The following BPIFB3 variants were observed in gnomAD, a reference collection of about 807,000 sequenced individuals.
The protein encoded by BPIFB3 is BPI fold containing family B member 3, also known as BPI fold-containing family B member 3.
A neutral mutation model predicts 53.1 loss-of-function variants in BPIFB3; 49 were observed. That is an observed-to-expected ratio of 0.92 (90% CI 0.73 to 1.17). The LOEUF (loss-of-function observed/expected upper bound fraction) is 1.17, where lower values mean the gene tolerates loss of function less well. Ranked by LOEUF, BPIFB3 falls within the 50% of genes most tolerant of loss-of-function variation. The pLI, the probability that BPIFB3 is intolerant of heterozygous loss-of-function variation, is 0.00. For synonymous variants in BPIFB3, 271 were observed against 269.6 expected, an observed-to-expected ratio of 1.01 and a Z score of -0.05; for missense variants, 628 against 592.5, an observed-to-expected ratio of 1.06 and a Z score of -0.62.
At chr20:33,070,742 C>G (rs188565757) in intron 11 of BPIFB3, among the ~76,000 whole-genome samples, 37 of 152,236 alleles carry the variant, frequency 2.4e-4, no homozygotes, top group Non-Finnish European at 4.3e-4. Flanking sequence ...CATTGTTGCC[C>G]CATTGCCGAC....
chr20:33,072,035 C>A (rs906484481), intron 12 of BPIFB3, 69 bp from the exon 14 acceptor site: 9 of 1,526,250 alleles, frequency 5.9e-6, no homozygotes, highest in Non-Finnish European at 8.2e-6. Context: ...TCCCTGGGAA[C>A]GGGATGCTGC....
rs184086488 is a variant in BPIFB3 at position 33,068,761 on chromosome 20, G to A, written c.979-42G>A. The A allele has an allele frequency of 3.5e-5, 56 of 1,588,086 alleles. No homozygotes were observed. The African/African-American group carries it at 5.8e-4, about 16-fold the overall frequency. On this transcript the variant is annotated intron_variant, in intron 9 of 14. Coordinates refer to ENST00000375494, the Ensembl canonical transcript of BPIFB3. ...GTGTTTGCTGACTGACTGACTGATT[G>A]TAGTCCTGGGGCATCTAAGTTATGC...
In BPIFB3 at chr20:33,063,611, A is replaced by G. The variant is rs781158034; in HGVS notation, c.592-4A>G. 1.4e-5 allele frequency: 22 copies of G among 1,613,974 alleles called. No homozygotes were observed. Among genetic ancestry groups the G allele is most frequent in the Admixed American group, 5.0e-5 (3 of 59,976 alleles). On this transcript the variant is annotated splice_polypyrimidine_tract_variant and splice_region_variant and intron_variant, in intron 5 of 14. Coordinates refer to ENST00000375494, the Ensembl canonical transcript of BPIFB3. Reference sequence around the variant, plus strand: ...GCCCTGTAACATGTGTCTCCCTGACACAGCTGTGCCCCGTGGTGGACAGTG... The same window carrying G: ...GCCCTGTAACATGTGTCTCCCTGACGCAGCTGTGCCCCGTGGTGGACAGTG...
chr20:33,068,760 T>C, intron 9 of BPIFB3, 43 bp from the exon 11 acceptor site: 1 of 1,586,678 alleles, frequency 6.3e-7, no homozygotes, highest in Non-Finnish European at 8.6e-7. Context: ...ACTGACTGAT[T>C]GTAGTCCTGG....
At chr20:33,067,301 A>G (rs556263135) in intron 9 of BPIFB3, among the ~76,000 whole-genome samples, 1 of 152,280 alleles carries the variant, frequency 6.6e-6, no homozygotes, top group Admixed American at 6.5e-5. Context: ...TAAGTACATG[A>G]CTTCCAGGCC....
At chr20:33,058,207 G>A (rs887581826) in intron 2 of BPIFB3, among the ~76,000 whole-genome samples, 1 of 152,228 alleles carries the variant, frequency 6.6e-6, no homozygotes, top group South Asian at 2.1e-4. Context: ...AGAGTCACTG[G>A]ACAGGAGGCA....
intron 2 of BPIFB3, among the ~76,000 whole-genome samples, chr20:33,058,464 T>C (rs1980308884): frequency 6.6e-6 from 1 of 152,198 alleles, no homozygotes; most frequent in Non-Finnish European, 1.5e-5. Context: ...TGCCTTTTAC[T>C]GGCTGCAGTA....
chr20:33,067,812 C>A (rs377186535), intron 9 of BPIFB3, among the ~76,000 whole-genome samples: 6 of 152,146 alleles, frequency 3.9e-5, no homozygotes, highest in African/African-American at 1.4e-4. Context: ...GCTGGCCTCG[C>A]AGCTTTAGAG....
chr20:33,064,430 C>A, intron 6 of BPIFB3, 27 bp from the exon 8 acceptor site: 1 of 1,578,074 alleles, frequency 6.3e-7, no homozygotes, highest in Non-Finnish European at 8.7e-7. Context: ...CTTATAGGGT[C>A]GTTCTCGCCC....
chr20:33,066,974 T>C, intron 9 of BPIFB3, 97 bp downstream of exon 10: 5 of 1,275,342 alleles, frequency 3.9e-6, no homozygotes, highest in East Asian at 2.3e-5. Context: ...TCCAGGCAAC[T>C]GCAATTGAAC....
At position 33,061,601 on chromosome 20, in the gene BPIFB3, C is replaced by T. The variant is rs147965482; in HGVS notation, c.528-167C>T. ...AATGAAGCCATCCCCTGGGTCCCCT[C>T]GGGAGGAGGAGCCAGGATTTAACTC... On this transcript the variant is annotated intron_variant, in intron 4 of 14. Coordinates refer to ENST00000375494, the Ensembl canonical transcript of BPIFB3. 3.3e-3 allele frequency among the ~76,000 whole-genome samples: 504 copies of T among 151,820 alleles called. 3 individuals are homozygous for T. The highest frequency in any genetic ancestry group is 5.1e-3 in the Non-Finnish European group (344 of 67,900).
chr20:33,062,962 C>T (rs990911296), intron 5 of BPIFB3, among the ~76,000 whole-genome samples: 2 of 152,216 alleles, frequency 1.3e-5, no homozygotes, highest in Admixed American at 1.3e-4. Context: ...TTGGACAGGC[C>T]ACCTTCTTCT....
intron 11 of BPIFB3, 58 bp from the exon 13 acceptor site, chr20:33,071,195 G>T: frequency 6.6e-7 from 1 of 1,505,608 alleles, no homozygotes; most frequent in Middle Eastern, 2.2e-4. Flanking sequence ...CAGGCTGGGG[G>T]TGGGACAGGG....
intron 14 of BPIFB3, among the ~76,000 whole-genome samples, chr20:33,073,062 T>C (rs1980973339): frequency 6.6e-6 from 1 of 152,228 alleles, no homozygotes. Flanking sequence ...ATGTCTGGCC[T>C]CTAGAATGGA....
chr20:33,071,498 G>A (rs1054364616), intron 12 of BPIFB3, among the ~76,000 whole-genome samples: 1 of 152,108 alleles, frequency 6.6e-6, no homozygotes, highest in African/African-American at 2.4e-5. Context: ...GAGAGAGAGA[G>A]AGAAACAGTG....
At chr20:33,070,003 A>C in intron 11 of BPIFB3, 48 bp downstream of exon 12, 1 of 1,595,958 alleles carries the variant, frequency 6.3e-7, no homozygotes, top group Non-Finnish European at 8.6e-7. Flanking sequence ...CTTTAGGAAC[A>C]AGAATTAGGG....
intron 14 of BPIFB3, among the ~76,000 whole-genome samples, 188 bp from the exon 16 acceptor site, chr20:33,073,388 A>G (rs1980983021): frequency 6.6e-6 from 1 of 152,214 alleles, no homozygotes; most frequent in African/African-American, 2.4e-5. Context: ...ACTTGAGTCT[A>G]TTAAGTCCTC....
chr20:33,054,864 G>A (rs1056851799), upstream of BPIFB3, among the ~76,000 whole-genome samples: 5 of 152,238 alleles, frequency 3.3e-5, no homozygotes, highest in Non-Finnish European at 7.3e-5. Flanking sequence ...TTGGGGTGGA[G>A]GTGGGGGAAG....
chr20:33,064,789 A>G, exon 8 of BPIFB3: 1 of 1,613,966 alleles, frequency 6.2e-7, no homozygotes, highest in South Asian at 1.1e-5. Context: ...CTTCAACACC[A>G]CGTTTGGACT....
Sources: allele counts gnomAD v4.1 joint callset (sites outside exome capture counted in the v4.1 genomes callset), GRCh38; gene constraint gnomAD v4.1.1; transcripts MANE v1.5; gene names NCBI Gene and HGNC (gene_info 2026-07-23, HGNC 2026-07-21).